IPP: variants seen among roughly 807,000 people sequenced by gnomAD.
The protein encoded by IPP is actin-binding protein IPP.
Under a neutral mutation model 64.1 loss-of-function variants are expected in IPP, and 41 were observed. The observed-to-expected ratio is 0.64, with a 90% CI of 0.50 to 0.83. The LOEUF (loss-of-function observed/expected upper bound fraction) is 0.83. IPP is among the 40% of genes least tolerant of loss of function. IPP has a pLI of 0.00. For synonymous variants in IPP, 214 were observed against 235.2 expected, an observed-to-expected ratio of 0.91 and a Z score of 0.83; for missense variants, 649 against 703.0, an observed-to-expected ratio of 0.92 and a Z score of 0.87.
At chr1:45,741,498 G>A (rs372133029) in intron 2 of IPP, among the ~76,000 whole-genome samples, 166 bp from the exon 3 acceptor site, 4 of 151,980 alleles carry the variant, frequency 2.6e-5, no homozygotes, top group Non-Finnish European at 5.9e-5. Context: ...AAATTTAAAC[G>A]ATAACGATAC....
chr1:45,707,832 A>C (rs1225383814), intron 8 of IPP, among the ~76,000 whole-genome samples: 1 of 152,148 alleles, frequency 6.6e-6, no homozygotes, highest in African/African-American at 2.4e-5. Flanking sequence ...TTAAAGCTAT[A>C]ATCCCACAGA....
Position 45,741,022 on chromosome 1 carries a change from G to C in IPP, c.603C>G (p.Phe201Leu). The C allele has an allele frequency of 6.2e-7, 1 of 1,613,980 alleles. No individual in the cohort carries two copies. Among genetic ancestry groups the C allele is most frequent in the Non-Finnish European group, 8.5e-7 (1 of 1,179,892 alleles). The part of the protein sequence containing the change: ...ELSIEDEYQV[F>L]LAAMQWILKD... ...TCAGAATCCATTGCATTGCAGCTAA[G>C]AAGACCTGGTATTCATCCTCAATGC... is the stretch of plus-strand genomic sequence containing the variant. Residue 201 changes from phenylalanine (F) to leucine (L), a missense_variant, in exon 3 of 9, where the codon TTC (phenylalanine) becomes TTG (leucine). Transcript: ENST00000396478.
intron 1 of IPP, among the ~76,000 whole-genome samples, chr1:45,749,665 C>G (rs1169748666): frequency 6.6e-6 from 1 of 151,380 alleles, no homozygotes; most frequent in Non-Finnish European, 1.5e-5. Flanking sequence ...GGACTACAGG[C>G]GCCCGCCACC....
chr1:45,732,015 T>C (rs1645913048), intron 3 of IPP, among the ~76,000 whole-genome samples: 1 of 151,706 alleles, frequency 6.6e-6, no homozygotes, highest in Non-Finnish European at 1.5e-5. Context: ...AAACATCAGC[T>C]ACAAATAGAC....
intron 1 of IPP, among the ~76,000 whole-genome samples, chr1:45,748,220 AATTATAC>A (rs1646167137): frequency 6.6e-6 from 1 of 152,244 alleles, no homozygotes; most frequent in Non-Finnish European, 1.5e-5. Context: ...CTGATTTGAT[AATTATAC>A]ATTATATACA....
intron 1 of IPP, among the ~76,000 whole-genome samples, chr1:45,749,942 A>G (rs1227797199): frequency 6.6e-6 from 1 of 152,148 alleles, no homozygotes; most frequent in Non-Finnish European, 1.5e-5. Context: ...ACTTCCGGCT[A>G]CTTGGGAGGC....
chr1:45,703,962 G>T (rs1468286748), intron 8 of IPP, among the ~76,000 whole-genome samples: 1 of 152,166 alleles, frequency 6.6e-6, no homozygotes, highest in African/African-American at 2.4e-5. Context: ...ATTTGTGAAT[G>T]AATAAATGAG....
chr1:45,738,854 A>AC (rs1443333245), intron 3 of IPP, among the ~76,000 whole-genome samples: 23 of 107,466 alleles, frequency 2.1e-4, no homozygotes, highest in African/African-American at 6.9e-4. Flanking sequence ...AAAAAAAAAA[A>AC]AAAAAAAAAA....
intron 3 of IPP, among the ~76,000 whole-genome samples, chr1:45,734,856 A>G (rs1464237456): frequency 6.6e-6 from 1 of 151,806 alleles, no homozygotes; most frequent in Non-Finnish European, 1.5e-5. Flanking sequence ...CTCAGCTCAT[A>G]CCAACCTCCA....
At chr1:45,696,094 C>T (rs1338259315), downstream of IPP, among the ~76,000 whole-genome samples, 1 of 152,178 alleles carries the variant, frequency 6.6e-6, no homozygotes, top group Non-Finnish European at 1.5e-5. Flanking sequence ...AAGACTTTTC[C>T]ATAATCTGAA....
intron 3 of IPP, among the ~76,000 whole-genome samples, chr1:45,740,516 C>T (rs1445554068): frequency 6.6e-6 from 1 of 151,860 alleles, no homozygotes; most frequent in Non-Finnish European, 1.5e-5. Flanking sequence ...CCCCCCACCT[C>T]CCTCCCAGAC....
At chr1:45,702,837 G>A (rs891493591) in intron 8 of IPP, among the ~76,000 whole-genome samples, 1 of 152,128 alleles carries the variant, frequency 6.6e-6, no homozygotes, top group Non-Finnish European at 1.5e-5. Context: ...AACAGAAAGT[G>A]CCCTCAAAAA....
intron 8 of IPP, among the ~76,000 whole-genome samples, chr1:45,707,685 A>G (rs1016875199): frequency 1.3e-5 from 2 of 152,180 alleles, no homozygotes; most frequent in African/African-American, 4.8e-5. Flanking sequence ...CATAGAGAGA[A>G]AAGAGTGGGA....
At chr1:45,705,625 G>A (rs1301834306) in intron 8 of IPP, among the ~76,000 whole-genome samples, 1 of 152,122 alleles carries the variant, frequency 6.6e-6, no homozygotes, top group Admixed American at 6.6e-5. Flanking sequence ...GGCCAACATG[G>A]CAAAACCCTG....
chr1:45,717,736 A>G (rs1276806022), intron 6 of IPP, among the ~76,000 whole-genome samples: 1 of 152,022 alleles, frequency 6.6e-6, no homozygotes, highest in African/African-American at 2.4e-5. Flanking sequence ...GTTGGTCTCG[A>G]TCTCCTGACT....
chr1:45,725,678 C>A (rs1335809228), intron 5 of IPP, among the ~76,000 whole-genome samples: 1 of 139,746 alleles, frequency 7.2e-6, no homozygotes, highest in African/African-American at 2.6e-5. Context: ...ATTGAGAAAT[C>A]GGATGGTTGC....
At chr1:45,713,389 C>T (rs1207034597) in intron 8 of IPP, among the ~76,000 whole-genome samples, 1 of 152,030 alleles carries the variant, frequency 6.6e-6, no homozygotes, top group Non-Finnish European at 1.5e-5. Flanking sequence ...AGAGAAACCC[C>T]GTCTCCACTA....
At chr1:45,698,221 G>A (rs1410506565), downstream of IPP, among the ~76,000 whole-genome samples, 1 of 152,124 alleles carries the variant, frequency 6.6e-6, no homozygotes, top group African/African-American at 2.4e-5. Context: ...GAATCCGGGA[G>A]GCGGAGGTTG....
At chr1:45,747,853 A>C (rs1003125262) in intron 1 of IPP, among the ~76,000 whole-genome samples, 9 of 148,830 alleles carry the variant, frequency 6.0e-5, no homozygotes, top group South Asian at 4.2e-4. Context: ...AAAAAAAAAA[A>C]AAAAAAAAAA....
Sources: allele counts gnomAD v4.1 joint callset (sites outside exome capture counted in the v4.1 genomes callset), GRCh38; gene constraint gnomAD v4.1.1; transcripts MANE v1.5; gene names NCBI Gene and HGNC (gene_info 2026-07-23, HGNC 2026-07-21).